The following NPEPPS variants were observed in gnomAD, a reference collection of about 807,000 sequenced individuals.
The protein encoded by NPEPPS is puromycin-sensitive aminopeptidase.
NPEPPS carries 14 observed loss-of-function variants against 115.5 expected under a neutral mutation model. That is an observed-to-expected ratio of 0.12 (90% CI 0.08 to 0.19). The LOEUF is 0.19. Among genes scored for constraint, NPEPPS ranks in the 10% least tolerant of loss-of-function variants. The pLI is 1.00. For synonymous variants in NPEPPS, 285 were observed against 390.6 expected (o/e 0.73, Z 3.19); for missense variants, 523 against 1,110.8 (o/e 0.47, Z 7.52).
In NPEPPS at chr17:47,604,008, C is replaced by G. The variant is rs778655999; in HGVS notation, c.1834C>G (p.Pro612Ala). 1.2e-5 allele frequency: 19 copies of G among 1,613,442 alleles called. No homozygotes were observed. Among genetic ancestry groups the G allele is most frequent in the African/African-American group, 2.7e-5 (2 of 74,886 alleles). Residue 612 changes from proline to alanine, a missense_variant, in exon 16 of 23, where the codon CCT becomes GCT. By Grantham distance (27) the Pro-to-Ala change is conservative (BLOSUM62 -1). Transcript: ENST00000322157. ...AGGCATTCGTGACCTTTCTCTGCCCCCTGTGGATCGACTTGGATTACAGAA... is the reference window on the plus strand; with the variant it reads ...AGGCATTCGTGACCTTTCTCTGCCCGCTGTGGATCGACTTGGATTACAGAA... ...LPGIRDLSLP[P>A]VDRLGLQNDL...
chr17:47,578,540 T>C (rs558891403), intron 3 of NPEPPS, among the ~76,000 whole-genome samples: 30 of 152,242 alleles, frequency 2.0e-4, no homozygotes, highest in Admixed American at 9.8e-4. Context: ...TTTTATGTTA[T>C]AAAAAAGAAA....
chr17:47,550,175 T>C (rs1270176121), intron 2 of NPEPPS, among the ~76,000 whole-genome samples: 9 of 152,036 alleles, frequency 5.9e-5, no homozygotes, highest in South Asian at 2.1e-4. Context: ...CCTTGTGATC[T>C]GCCCGCCTTG....
chr17:47,616,683 CAA>C (rs751616382), intron 19 of NPEPPS, among the ~76,000 whole-genome samples: 9 of 95,612 alleles, frequency 9.4e-5, no homozygotes, highest in Admixed American at 1.2e-4. Flanking sequence ...GACTCCGTCT[CAA>C]AAAAAAAAAA....
At chr17:47,580,214 T>C (rs1487840608) in intron 4 of NPEPPS, 1 of 152,158 alleles carries the variant, frequency 6.6e-6, no homozygotes, top group African/African-American at 2.4e-5. Flanking sequence ...AAATTTTTTA[T>C]CCAGTTTACT....
chr17:47,575,042 C>G (rs1488247987), intron 3 of NPEPPS, among the ~76,000 whole-genome samples: 3 of 152,208 alleles, frequency 2.0e-5, no homozygotes, highest in African/African-American at 7.2e-5. Context: ...ACTGAAAAGT[C>G]TGCACTTTTA....
intron 2 of NPEPPS, among the ~76,000 whole-genome samples, chr17:47,548,903 C>T (rs1007042240): frequency 1.3e-5 from 2 of 151,946 alleles, no homozygotes; most frequent in Non-Finnish European, 2.9e-5. Flanking sequence ...TATGCGTAAC[C>T]GAATGTTGCT....
At chr17:47,610,394 T>TGG (rs529307988) in intron 17 of NPEPPS, among the ~76,000 whole-genome samples, 27 of 150,646 alleles carry the variant, frequency 1.8e-4, no homozygotes, top group African/African-American at 6.6e-4. Context: ...CTTTTTTTTT[T>TGG]GGGGGGGGGT....
intron 2 of NPEPPS, among the ~76,000 whole-genome samples, chr17:47,558,430 T>C (rs4060789): frequency 2.0e-5 from 3 of 149,986 alleles, no homozygotes; most frequent in Non-Finnish European, 3.0e-5. Flanking sequence ...ACCTGGCCCA[T>C]CCCCCACTTT....
At chr17:47,536,108 TAC>T (rs1203980165) in intron 1 of NPEPPS, among the ~76,000 whole-genome samples, 2 of 152,162 alleles carry the variant, frequency 1.3e-5, no homozygotes, top group Non-Finnish European at 2.9e-5. Flanking sequence ...GTGTTGGGAT[TAC>T]AGGCGTGAGC....
chr17:47,590,874 C>G lies in NPEPPS; in HGVS notation c.1253C>G (p.Pro418Arg). 6.4e-7 allele frequency: 1 copy of G among 1,568,256 alleles called. No individual in the cohort carries two copies. The highest frequency in any genetic ancestry group is 8.7e-7 in the Non-Finnish European group (1 of 1,155,836). The change falls in exon 10 of 23, where the codon CCT becomes CGT. Residue 418 changes from proline to arginine, a missense_variant. Physicochemically the swap from Pro to Arg is moderately radical, Grantham distance 103 (BLOSUM62 -2). This residue lies in a region of NPEPPS where 144 missense variants were observed against 512.4 expected (regional missense o/e 0.28). Coordinates refer to ENST00000322157, the MANE Select transcript of NPEPPS (RefSeq NM_006310.4). ...QELDALDNSH[P>R]IEVSVGHPSE... is the part of the protein sequence containing the mutation. The stretch of plus-strand genomic sequence containing the variant: ...CTTGACGCCTTAGATAACAGCCATC[C>G]TATTGAAGTGAGCCATACTTTCTAA...
intron 19 of NPEPPS, among the ~76,000 whole-genome samples, chr17:47,616,873 A>G (rs1322061266): frequency 6.6e-6 from 1 of 151,794 alleles, no homozygotes; most frequent in African/African-American, 2.4e-5. Context: ...TTGAAAAAAA[A>G]AAAAGTGTCG....
chr17:47,609,445 G>A (rs941634160), intron 17 of NPEPPS, among the ~76,000 whole-genome samples: 3 of 152,070 alleles, frequency 2.0e-5, no homozygotes, highest in South Asian at 2.1e-4. Flanking sequence ...AATGAAACAC[G>A]GCAAAATAAT....
In NPEPPS at chr17:47,622,000, C is replaced by T; in HGVS notation, c.*80C>T. 7.0e-7 allele frequency: 1 copy of T among 1,424,388 alleles called. No homozygotes were observed. The allele number at this position is 1,424,388 out of a possible 1,614,324, so 88.2% of individuals were successfully genotyped here. A position where few individuals can be genotyped will look rare whatever the true frequency, so the allele number is the denominator to read the frequency against. The stretch of plus-strand genomic sequence containing the variant: ...AGCTACCGAACAGCTGATTCATATG[C>T]CAAGAATTTGGAGTCTTCTTTCAAA... On this transcript the variant is annotated 3_prime_UTR_variant, in exon 23 of 23. Transcript: ENST00000322157.
chr17:47,570,014 C>T (rs1911100570), intron 3 of NPEPPS, among the ~76,000 whole-genome samples: 1 of 152,202 alleles, frequency 6.6e-6, no homozygotes, highest in Non-Finnish European at 1.5e-5. Flanking sequence ...GTTTCCACCT[C>T]CTGTCACTCT....
Position 47,587,281 on chromosome 17 carries a change from G to A in NPEPPS, c.1032G>A (p.Gln344=), listed in dbSNP as rs1408616397. The A allele has an allele frequency of 2.5e-6, 4 of 1,610,154 alleles. No individual in the cohort carries two copies. In the African/African-American group the frequency reaches 5.4e-5, roughly 22 times the overall value. Residue 344 remains glutamine, a synonymous_variant, in exon 9 of 23, where the codon CAG becomes CAA. Coordinates refer to ENST00000322157, the MANE Select transcript of NPEPPS (RefSeq NM_006310.4). ...AAAATTCCTGTTCTTCATCCCGCCA[G>A]TGGGTTGCTCTGGTTGTGGGACATG... ...DPKNSCSSSR[Q]WVALVVGHEL...
chr17:47,583,399 A>C (rs942700832), intron 5 of NPEPPS, among the ~76,000 whole-genome samples: 1 of 151,998 alleles, frequency 6.6e-6, no homozygotes, highest in Non-Finnish European at 1.5e-5. Flanking sequence ...AGCCTGGCCA[A>C]CATGGTGAAA....
chr17:47,595,171 C>T (rs1438183688), intron 12 of NPEPPS, among the ~76,000 whole-genome samples: 2 of 151,780 alleles, frequency 1.3e-5, no homozygotes, highest in African/African-American at 2.4e-5. Flanking sequence ...CCTCAGGTGA[C>T]GTGCCCACCT....
upstream of NPEPPS, among the ~76,000 whole-genome samples, chr17:47,527,655 T>A (rs1597799106): frequency 6.8e-6 from 1 of 146,374 alleles, no homozygotes; most frequent in Non-Finnish European, 1.5e-5. Flanking sequence ...GTCAGGAGTT[T>A]GAGACCAGCC....
At chr17:47,560,116 T>C (rs562083069) in intron 2 of NPEPPS, among the ~76,000 whole-genome samples, 1 of 152,258 alleles carries the variant, frequency 6.6e-6, no homozygotes, top group South Asian at 2.1e-4. Flanking sequence ...AAGGAGAGGT[T>C]TTCCCTTCCT....
Sources: allele counts gnomAD v4.1 joint callset (sites outside exome capture counted in the v4.1 genomes callset), GRCh38; gene constraint gnomAD v4.1.1; regional missense constraint gnomAD v4.1.1; transcripts MANE v1.5; gene names NCBI Gene and HGNC (gene_info 2026-07-23, HGNC 2026-07-21).